ALPK2: variants seen among roughly 807,000 people sequenced by gnomAD.
ALPK2 encodes alpha kinase 2, also known as alpha-protein kinase 2.
A neutral mutation model predicts 163.1 loss-of-function variants in ALPK2; 127 were observed. The observed-to-expected ratio is 0.78, with a 90% CI of 0.67 to 0.90. The LOEUF (loss-of-function observed/expected upper bound fraction) is 0.90, where lower values mean the gene tolerates loss of function less well. Ranked by LOEUF, ALPK2 falls within the 40% of genes least tolerant of loss-of-function variation. The pLI is 0.00. For missense variants in ALPK2, 2,360 were observed against 2,589.6 expected (o/e 0.91, Z 1.92); for synonymous variants, 953 against 959.1 (o/e 0.99, Z 0.12).
intron 11 of ALPK2, among the ~76,000 whole-genome samples, chr18:58,502,134 CCACACACACACACACA>C (rs71173056): frequency 3.1e-4 from 37 of 118,830 alleles, no homozygotes; most frequent in East Asian, 2.2e-3. Flanking sequence ...AACCCCATCT[CCACACACACACACACA>C]CACACACACA....
chr18:58,574,292 A>C (rs1275255424), intron 4 of ALPK2, among the ~76,000 whole-genome samples: 1 of 151,330 alleles, frequency 6.6e-6, no homozygotes. Context: ...AAAAAAAAAA[A>C]ACAAAAATCA....
intron 12 of ALPK2, among the ~76,000 whole-genome samples, chr18:58,487,877 A>AAAAC (rs1280546705): frequency 4.5e-5 from 2 of 44,672 alleles, no homozygotes; most frequent in Admixed American, 1.9e-4. Flanking sequence ...AACAAAAACA[A>AAAAC]AAAATATGAA....
intron 12 of ALPK2, among the ~76,000 whole-genome samples, chr18:58,486,557 C>G (rs976913979): frequency 2.0e-5 from 3 of 152,186 alleles, no homozygotes; most frequent in Admixed American, 1.3e-4. Context: ...GCTCCATGCT[C>G]AGCACTACCT....
chr18:58,508,192 C>G (rs911814686), intron 10 of ALPK2, among the ~76,000 whole-genome samples: 1 of 152,134 alleles, frequency 6.6e-6, no homozygotes, highest in African/African-American at 2.4e-5. Flanking sequence ...TCCCTATTTC[C>G]TAGCCCCCTG....
At position 58,611,714 on chromosome 18, in the gene ALPK2, G is replaced by C; in HGVS notation, c.84C>G (p.Asp28Glu). 1.2e-6 allele frequency: 2 copies of C among 1,613,128 alleles called. No homozygotes were observed. The highest frequency in any genetic ancestry group is 8.5e-7 in the Non-Finnish European group (1 of 1,179,626). ...CAGATATTATGCAGCGAAGCACAGC[G>C]TCTGACTTCTCAGGAACCTTCTGGG... The part of the protein sequence containing the change: ...LLSQKVPEKS[D>E]AVLRCIISGQ... The change falls in exon 2 of 13, where the codon GAC (aspartate) becomes GAG (glutamate). Residue 28 changes from aspartate (D) to glutamate (E), a missense_variant. Coordinates refer to ENST00000361673, the MANE Select transcript of ALPK2 (RefSeq NM_052947.4).
At chr18:58,562,290 G>A (rs1312906900) in intron 4 of ALPK2, among the ~76,000 whole-genome samples, 2 of 152,186 alleles carry the variant, frequency 1.3e-5, no homozygotes, top group African/African-American at 4.8e-5. Flanking sequence ...CATCAGTGCA[G>A]ACTTTTGACC....
At chr18:58,573,226 G>GTA (rs1346732511) in intron 4 of ALPK2, among the ~76,000 whole-genome samples, 9 of 139,450 alleles carry the variant, frequency 6.5e-5, no homozygotes, top group South Asian at 2.2e-4. Context: ...ATATATATGT[G>GTA]TATATGTGTG....
rs2052069351 is a variant in ALPK2 at position 58,601,475 on chromosome 18, C to A, written c.227+5847G>T. Among the ~76,000 whole-genome samples the A allele has an allele frequency of 2.0e-5, 3 of 152,132 alleles. No individual in the cohort carries two copies. The South Asian group carries it at 6.2e-4, about 32-fold the overall frequency. ...CTCTTCAAAAGTAGAGTCTATTTTT[C>A]TTAAATGTGGGTTGGCCTGTGACTT... On this transcript the variant is annotated intron_variant, in intron 3 of 12. Coordinates refer to ENST00000361673, the MANE Select transcript of ALPK2 (RefSeq NM_052947.4).
At position 58,536,171 on chromosome 18, in the gene ALPK2, A is replaced by G; in HGVS notation, c.4016T>C (p.Leu1339Pro). ...ATCTACAGGGTCCACGGATGACTCC[A>G]GGAGTCTGGGTTGGCTGAAACCCCG... is the stretch of plus-strand genomic sequence containing the variant. ...SSRGFSQPRLLESSVDPVDEK... is the reference protein window; with the variant it reads ...SSRGFSQPRLPESSVDPVDEK... The change falls in exon 5 of 13, where the codon CTG (leucine) becomes CCG (proline). Residue 1339 changes from leucine (L) to proline (P), a missense_variant. Transcript: ENST00000361673. The G allele has an allele frequency of 6.2e-7, 1 of 1,614,126 alleles. No homozygotes were observed. Among genetic ancestry groups the G allele is most frequent in the Non-Finnish European group, 8.5e-7 (1 of 1,179,984 alleles).
Position 58,534,848 on chromosome 18 carries a change from T to C in ALPK2, c.5339A>G (p.Lys1780Arg). Residue 1780 changes from lysine to arginine, a missense_variant, in exon 5 of 13, where the codon AAA becomes AGA. Lys to Arg is a conservative substitution (Grantham distance 26). Transcript: ENST00000361673. ...EKQDPKKPSC[K>R]REGRAPVLLK... ...CAGAACCTCACCTCTTCCTTCTCTT[T>C]TGCAAGATGGCTTTTTTGGGTCTTG... 6.2e-7 allele frequency: 1 copy of C among 1,609,020 alleles called. No individual in the cohort carries two copies. The highest frequency in any genetic ancestry group is 1.3e-5 in the African/African-American group (1 of 74,538).
chr18:58,531,553 TAAA>T (rs1440856834), intron 5 of ALPK2, among the ~76,000 whole-genome samples: 1 of 129,866 alleles, frequency 7.7e-6, no homozygotes, highest in African/African-American at 2.9e-5. Context: ...GAAAACAAAA[TAAA>T]AAACCTTTGA....
chr18:58,569,333 C>T (rs1457103502), intron 4 of ALPK2, among the ~76,000 whole-genome samples: 1 of 152,212 alleles, frequency 6.6e-6, no homozygotes, highest in Non-Finnish European at 1.5e-5. Context: ...ATCAGAATGT[C>T]TGAGGGCAAA....
At chr18:58,596,133 G>A (rs2052039824) in intron 3 of ALPK2, among the ~76,000 whole-genome samples, 1 of 152,170 alleles carries the variant, frequency 6.6e-6, no homozygotes, top group Admixed American at 6.5e-5. Context: ...TGAATTGCTG[G>A]ACCCAGAAAG....
intron 1 of ALPK2, among the ~76,000 whole-genome samples, chr18:58,624,784 C>T (rs1347711892): frequency 1.3e-5 from 2 of 152,186 alleles, no homozygotes; most frequent in African/African-American, 4.8e-5. Context: ...TTCTAGAAGG[C>T]ATACCCTCTC....
chr18:58,616,061 T>C (rs541676155), intron 1 of ALPK2, among the ~76,000 whole-genome samples: 30 of 152,214 alleles, frequency 2.0e-4, no homozygotes, highest in Non-Finnish European at 3.2e-4. Context: ...CTGCTAGAGA[T>C]GAACAATCAA....
At chr18:58,558,301 CA>C (rs1364173900) in intron 4 of ALPK2, among the ~76,000 whole-genome samples, 2 of 151,704 alleles carry the variant, frequency 1.3e-5, no homozygotes, top group Non-Finnish European at 1.5e-5. Context: ...GACTTAATAC[CA>C]AAAAAATGTA....
intron 11 of ALPK2, among the ~76,000 whole-genome samples, chr18:58,499,915 CCCAAGT>C: frequency 1.3e-5 from 2 of 152,394 alleles, no homozygotes; most frequent in Middle Eastern, 6.8e-3. Flanking sequence ...TGGTTCCCCA[CCCAAGT>C]GGAGTGCTGT....
intron 11 of ALPK2, among the ~76,000 whole-genome samples, chr18:58,503,054 C>T (rs1383575678): frequency 6.6e-6 from 1 of 152,242 alleles, no homozygotes; most frequent in Non-Finnish European, 1.5e-5. Flanking sequence ...CTGGCGTTTC[C>T]TGGGATCCCC....
chr18:58,568,271 G>A lies in ALPK2; in HGVS notation c.1962+10543C>T, dbSNP rs576076739. Reference sequence around the variant, plus strand: ...TGTGTGAAGAATACCCATTGCCTCTGTTTGAAAAGTGCTATTGAATAACCT... The same window carrying A: ...TGTGTGAAGAATACCCATTGCCTCTATTTGAAAAGTGCTATTGAATAACCT... On this transcript the variant is annotated intron_variant, in intron 4 of 12. Transcript: ENST00000361673. Among the ~76,000 whole-genome samples, 532 of 152,322 alleles carry A rather than the reference G, an allele frequency of 3.5e-3. 3 individuals carry two copies. The highest frequency in any genetic ancestry group is 6.8e-3 in the Middle Eastern group (2 of 294).
Sources: allele counts gnomAD v4.1 joint callset (sites outside exome capture counted in the v4.1 genomes callset), GRCh38; gene constraint gnomAD v4.1.1; transcripts MANE v1.5; gene names NCBI Gene and HGNC (gene_info 2026-07-23, HGNC 2026-07-21).